DDIAS: variants seen among roughly 807,000 people sequenced by gnomAD.
DDIAS encodes DNA damage induced apoptosis suppressor.
A neutral mutation model predicts 15.7 loss-of-function variants in DDIAS; 14 were observed. That is an observed-to-expected ratio of 0.89 (90% CI 0.59 to 1.39). DDIAS has a LOEUF of 1.39. Ranked by LOEUF, DDIAS falls within the 40% of genes most tolerant of loss-of-function variation. The pLI, the probability that DDIAS is intolerant of heterozygous loss-of-function variation, is 0.00. For missense variants in DDIAS, 1,035 were observed against 1,130.9 expected, an observed-to-expected ratio of 0.92 and a Z score of 1.22; for synonymous variants, 355 against 395.9, an observed-to-expected ratio of 0.90 and a Z score of 1.23.
chr11:82,907,041 T>C (rs1449019532), intron 1 of DDIAS, among the ~76,000 whole-genome samples: 1 of 152,156 alleles, frequency 6.6e-6, no homozygotes, highest in East Asian at 1.9e-4. Flanking sequence ...TTTAATATAA[T>C]GTGGCATGTG....
intron 3 of DDIAS, among the ~76,000 whole-genome samples, chr11:82,925,972 C>A (rs1318311286): frequency 2.1e-5 from 3 of 140,596 alleles, no homozygotes; most frequent in African/African-American, 8.1e-5. Flanking sequence ...TGGCCAATAG[C>A]GAGACACTGT....
chr11:82,912,481 A>AT (rs1013395050), intron 1 of DDIAS, among the ~76,000 whole-genome samples: 3 of 152,076 alleles, frequency 2.0e-5, no homozygotes, highest in Non-Finnish European at 4.4e-5. Flanking sequence ...AGCTTCAAGC[A>AT]TTTTTTTCTG....
chr11:82,912,826 T>G (rs1354877144), intron 1 of DDIAS, among the ~76,000 whole-genome samples: 2 of 152,228 alleles, frequency 1.3e-5, no homozygotes. Context: ...GAGAGATATG[T>G]GACTCTTCCT....
At chr11:82,924,836 T>TAA (rs71274459) in intron 3 of DDIAS, among the ~76,000 whole-genome samples, 5 of 145,984 alleles carry the variant, frequency 3.4e-5, no homozygotes, top group Admixed American at 1.4e-4. Flanking sequence ...TGAATAAAAA[T>TAA]AAAAAAAAAA....
In DDIAS at chr11:82,933,275, C is replaced by T. The variant is rs377608768; in HGVS notation, c.1937C>T (p.Thr646Ile). 6.2e-7 allele frequency: 1 copy of T among 1,613,390 alleles called. No individual in the cohort carries two copies. Among genetic ancestry groups the T allele is most frequent in the Non-Finnish European group, 8.5e-7 (1 of 1,179,762 alleles). The change falls in exon 6 of 6, where the codon ACA becomes ATA. Residue 646 changes from threonine to isoleucine, a missense_variant. By Grantham distance (89) the Thr-to-Ile change is moderately conservative. Coordinates refer to ENST00000533655, the MANE Select transcript of DDIAS (RefSeq NM_145018.4). ...ETLCNSPNRS[T>I]NTLKEMPWGH... ...CTTTGCAATAGTCCAAATAGAAGTA[C>T]AAATACATTGAAAGAAATGCCTTGG...
chr11:82,908,964 T>TA (rs1353324241), intron 1 of DDIAS, among the ~76,000 whole-genome samples: 3 of 152,192 alleles, frequency 2.0e-5, no homozygotes, highest in Middle Eastern at 3.2e-3. Context: ...TACTCTATTT[T>TA]ATGGAATAAA....
intron 1 of DDIAS, among the ~76,000 whole-genome samples, chr11:82,912,178 A>G (rs1860540824): frequency 6.6e-6 from 1 of 152,172 alleles, no homozygotes; most frequent in Admixed American, 6.5e-5. Context: ...TTCACCCCTA[A>G]CAAGAGAGTT....
rs555111318 is a variant in DDIAS at position 82,934,466 on chromosome 11, G to A, written c.*131G>A. 8 of 873,550 alleles carry A rather than the reference G, an allele frequency of 9.2e-6. No individual in the cohort carries two copies. In the African/African-American group the frequency reaches 1.4e-4, roughly 15 times the overall value. 54.1% of individuals were successfully genotyped at this position (873,550 alleles called of 1,614,324 possible). On this transcript the variant is annotated 3_prime_UTR_variant, in exon 6 of 6. Transcript: ENST00000533655. Reference sequence around the variant, plus strand: ...AATTGAAAACAGGACTCTGCTGGGAGCTACTGTGCCTTTTAAAATATAAAG... The same window carrying A: ...AATTGAAAACAGGACTCTGCTGGGAACTACTGTGCCTTTTAAAATATAAAG...
intron 3 of DDIAS, among the ~76,000 whole-genome samples, chr11:82,925,704 G>A (rs1860844840): frequency 6.6e-6 from 1 of 151,604 alleles, no homozygotes; most frequent in Admixed American, 6.6e-5. Context: ...ATTCGACTAT[G>A]GTAGCCAGGT....
At chr11:82,901,843 C>T (rs1054974840) in intron 1 of DDIAS, 21 bp downstream of exon 1, 6 of 152,156 alleles carry the variant, frequency 3.9e-5, no homozygotes, top group African/African-American at 1.4e-4. Context: ...TAAAGGGGTT[C>T]TCGGGAAGCC....
intron 3 of DDIAS, among the ~76,000 whole-genome samples, chr11:82,925,891 G>A (rs988442703): frequency 7.2e-5 from 11 of 151,810 alleles, no homozygotes; most frequent in African/African-American, 2.7e-4. Context: ...GGGAGGCTGA[G>A]GCAGGAGAAT....
At chr11:82,903,794 A>G (rs1174488023) in intron 1 of DDIAS, among the ~76,000 whole-genome samples, 1 of 152,250 alleles carries the variant, frequency 6.6e-6, no homozygotes, top group East Asian at 1.9e-4. Context: ...CCTGTAAAAT[A>G]TGAAACAGAA....
rs1291223777 is a variant in DDIAS, at chr11:82,934,148, A to ATAAC, written c.2812_2815dup (p.Cys939Ter). ...GTTACGAAAAAGAAAACTCATAAAT[A>ATAAC]TAACTGTAAAAGTTCAGGCTGGATT... On this transcript the variant is annotated frameshift_variant, in exon 6 of 6. Transcript: ENST00000533655. LOFTEE classifies it low-confidence loss of function (END_TRUNC). 1 of 1,612,802 alleles carries ATAAC rather than the reference A, an allele frequency of 6.2e-7. No homozygotes were observed. The highest frequency in any genetic ancestry group is 8.5e-7 in the Non-Finnish European group (1 of 1,179,772).
At chr11:82,922,014 C>A (rs955733692) in intron 3 of DDIAS, among the ~76,000 whole-genome samples, 12 of 152,150 alleles carry the variant, frequency 7.9e-5, no homozygotes, top group African/African-American at 2.7e-4. Context: ...AATTGCTTTG[C>A]ATGAGGAGGC....
chr11:82,919,664 G>C (rs1396715804), intron 3 of DDIAS, among the ~76,000 whole-genome samples: 1 of 152,208 alleles, frequency 6.6e-6, no homozygotes, highest in Non-Finnish European at 1.5e-5. Context: ...GCGTCAGAAG[G>C]ATTGGTACCA....
intron 3 of DDIAS, among the ~76,000 whole-genome samples, chr11:82,919,880 C>G (rs1206207489): frequency 2.4e-4 from 36 of 152,172 alleles, no homozygotes; most frequent in Admixed American, 2.4e-3. Context: ...TGCCCACCAC[C>G]ATGCCCAGCT....
chr11:82,910,744 T>C (rs1345178244), intron 1 of DDIAS, among the ~76,000 whole-genome samples: 1 of 151,606 alleles, frequency 6.6e-6, no homozygotes, highest in Non-Finnish European at 1.5e-5. Flanking sequence ...GCCTCCCAAG[T>C]AGCTGGGACC....
chr11:82,917,659 C>A (rs1172661293), intron 3 of DDIAS, among the ~76,000 whole-genome samples: 1 of 152,090 alleles, frequency 6.6e-6, no homozygotes, highest in Non-Finnish European at 1.5e-5. Flanking sequence ...TGAGTAGATA[C>A]CCAGCAGTGG....
intron 4 of DDIAS, among the ~76,000 whole-genome samples, chr11:82,929,522 T>C (rs1860939555): frequency 1.3e-5 from 2 of 151,878 alleles, no homozygotes; most frequent in South Asian, 4.1e-4. Context: ...GCTAACACGG[T>C]GAAACCCCAT....
Sources: allele counts gnomAD v4.1 joint callset (sites outside exome capture counted in the v4.1 genomes callset), GRCh38; gene constraint gnomAD v4.1.1; transcripts MANE v1.5; gene names NCBI Gene and HGNC (gene_info 2026-07-23, HGNC 2026-07-21).